The following KCNIP4 variants were observed in gnomAD, a reference collection of about 807,000 sequenced individuals.
The protein encoded by KCNIP4 is potassium voltage-gated channel interacting protein 4.
KCNIP4 carries 12 observed loss-of-function variants against 34.0 expected under a neutral mutation model. That is an observed-to-expected ratio of 0.35 (90% CI 0.23 to 0.57). The LOEUF (loss-of-function observed/expected upper bound fraction) is 0.57. KCNIP4 is among the 20% of genes least tolerant of loss of function. The probability of loss-of-function intolerance (pLI) is 0.83; values close to 1 mark genes in which losing one functional copy is unlikely to be tolerated. For missense variants in KCNIP4, 238 were observed against 311.7 expected, an observed-to-expected ratio of 0.76 and a Z score of 1.78; for synonymous variants, 124 against 102.2, an observed-to-expected ratio of 1.21 and a Z score of -1.29.
intron 1 of KCNIP4, among the ~76,000 whole-genome samples, chr4:21,227,430 C>T (rs1263427268): frequency 1.3e-5 from 2 of 152,144 alleles, no homozygotes; most frequent in Non-Finnish European, 2.9e-5. Context: ...ACTTTGAAGA[C>T]TTCTAGTTTT....
intron 1 of KCNIP4, among the ~76,000 whole-genome samples, chr4:21,774,618 G>A (rs1256717117): frequency 6.6e-6 from 1 of 152,064 alleles, no homozygotes; most frequent in East Asian, 1.9e-4. Context: ...CAAAATTCTT[G>A]GAGGCTTTGT....
At chr4:20,825,231 T>A (rs1165914899) in intron 3 of KCNIP4, among the ~76,000 whole-genome samples, 3 of 24,492 alleles carry the variant, frequency 1.2e-4, no homozygotes, top group South Asian at 1.1e-3. Flanking sequence ...TTACGTTTTT[T>A]TTTTTTTTTT....
intron 1 of KCNIP4, among the ~76,000 whole-genome samples, chr4:20,886,142 T>C (rs1198378326): frequency 3.3e-5 from 5 of 152,228 alleles, no homozygotes; most frequent in Admixed American, 2.0e-4. Flanking sequence ...GGATATGCTA[T>C]ACCACTGTAA....
At chr4:21,501,248 T>TCTCTCA (rs764571152) in intron 1 of KCNIP4, among the ~76,000 whole-genome samples, 4 of 104,190 alleles carry the variant, frequency 3.8e-5, no homozygotes, top group Non-Finnish European at 8.6e-5. Context: ...TCTCTCTCTC[T>TCTCTCA]CACACACACA....
At chr4:21,866,585 T>C (rs918075993) in intron 1 of KCNIP4, among the ~76,000 whole-genome samples, 2 of 152,052 alleles carry the variant, frequency 1.3e-5, no homozygotes, top group African/African-American at 4.8e-5. Flanking sequence ...TACAAGACAC[T>C]AGAAGAGAAA....
chr4:21,731,972 A>G (rs1476535379), intron 1 of KCNIP4, among the ~76,000 whole-genome samples: 1 of 151,824 alleles, frequency 6.6e-6, no homozygotes, highest in Non-Finnish European at 1.5e-5. Flanking sequence ...TATTTATTAT[A>G]TATGCTCCAG....
Position 21,021,397 on chromosome 4 carries a change from C to A in KCNIP4, c.62-138688G>T, listed in dbSNP as rs186973800. Among the ~76,000 whole-genome samples, 59 of 152,180 alleles carry A rather than the reference C, an allele frequency of 3.9e-4. No individual in the cohort carries two copies. The East Asian group carries it at 5.6e-3, about 14-fold the overall frequency. On this transcript the variant is annotated intron_variant, in intron 1 of 8. Coordinates refer to ENST00000382152, the MANE Select transcript of KCNIP4 (RefSeq NM_025221.6). Reference sequence around the variant, plus strand: ...TTACCCTAAATTTAACTTAAAATTTCTTTGTTCAATAATAAATTAGCTTAC... The same window carrying A: ...TTACCCTAAATTTAACTTAAAATTTATTTGTTCAATAATAAATTAGCTTAC...
intron 1 of KCNIP4, among the ~76,000 whole-genome samples, chr4:21,218,017 A>G (rs934887430): frequency 1.4e-5 from 2 of 144,880 alleles, no homozygotes; most frequent in Admixed American, 1.4e-4. Flanking sequence ...TTATTTATTT[A>G]TTATTATTAT....
At position 21,087,228 on chromosome 4, in the gene KCNIP4, G is replaced by A. The variant is rs187695819; in HGVS notation, c.62-204519C>T. 7.2e-3 allele frequency among the ~76,000 whole-genome samples: 1,082 copies of A among 150,138 alleles called. 24 individuals are homozygous for A. Among genetic ancestry groups the A allele is most frequent in the African/African-American group, 0.025 (1,026 of 40,714 alleles). On this transcript the variant is annotated intron_variant, in intron 1 of 8. Transcript: ENST00000382152. ...GTCTTGCTCTGCCACCCAGGCTGGA[G>A]TTCAGTGGCATGATCTCAGCTCACT...
chr4:20,825,225 G>GTTTTTTTTTTTTTTTTTTT (rs71181592), intron 3 of KCNIP4, among the ~76,000 whole-genome samples: 1 of 113,636 alleles, frequency 8.8e-6, no homozygotes, highest in African/African-American at 3.5e-5. Flanking sequence ...TCAATTTTAC[G>GTTTTTTTTTTTTTTTTTTT]TTTTTTTTTT....
chr4:20,869,673 G>A (rs1189317870), intron 2 of KCNIP4, among the ~76,000 whole-genome samples: 1 of 151,992 alleles, frequency 6.6e-6, no homozygotes, highest in African/African-American at 2.4e-5. Context: ...GATAATATTT[G>A]TATCAATTTC....
chr4:21,384,405 T>A (rs1309424756), intron 1 of KCNIP4, among the ~76,000 whole-genome samples: 2 of 152,118 alleles, frequency 1.3e-5, no homozygotes, highest in Non-Finnish European at 2.9e-5. Flanking sequence ...GTTGAATGAG[T>A]AATATTAAAC....
At chr4:21,740,019 A>G (rs1716288876) in intron 1 of KCNIP4, among the ~76,000 whole-genome samples, 1 of 152,136 alleles carries the variant, frequency 6.6e-6, no homozygotes, top group African/African-American at 2.4e-5. Context: ...AAAGGGTTTC[A>G]AAATGTGGAT....
intron 1 of KCNIP4, among the ~76,000 whole-genome samples, chr4:21,888,815 C>A (rs1268608007): frequency 6.6e-6 from 1 of 152,106 alleles, no homozygotes; most frequent in Non-Finnish European, 1.5e-5. Context: ...TCTGAAACTT[C>A]TATCTCACTG....
intron 1 of KCNIP4, among the ~76,000 whole-genome samples, chr4:21,717,128 G>C (rs919421771): frequency 2.6e-5 from 4 of 152,122 alleles, no homozygotes; most frequent in Non-Finnish European, 5.9e-5. Flanking sequence ...GGTTTGTTTT[G>C]GAGGGGTATC....
chr4:21,584,634 A>G (rs931345705), intron 1 of KCNIP4, among the ~76,000 whole-genome samples: 2 of 152,104 alleles, frequency 1.3e-5, no homozygotes, highest in African/African-American at 4.8e-5. Context: ...CCCCCTTTAG[A>G]GAGAGCAAGG....
At chr4:20,854,010 G>A (rs539515580) in intron 2 of KCNIP4, among the ~76,000 whole-genome samples, 144 of 152,156 alleles carry the variant, frequency 9.5e-4, no homozygotes, top group African/African-American at 1.5e-3. Flanking sequence ...GTGTGGATGC[G>A]GTGAACAGGG....
At chr4:21,757,804 C>T (rs948197468) in intron 1 of KCNIP4, among the ~76,000 whole-genome samples, 3 of 152,162 alleles carry the variant, frequency 2.0e-5, no homozygotes, top group Admixed American at 6.5e-5. Flanking sequence ...ACATAAATGA[C>T]GTCTTGGGAA....
At chr4:20,997,990 T>A (rs1011603644) in intron 1 of KCNIP4, among the ~76,000 whole-genome samples, 11 of 152,284 alleles carry the variant, frequency 7.2e-5, no homozygotes, top group African/African-American at 2.6e-4. Flanking sequence ...GTAGAGCTGT[T>A]AAGCTGATAA....
Sources: allele counts gnomAD v4.1 joint callset (sites outside exome capture counted in the v4.1 genomes callset), GRCh38; gene constraint gnomAD v4.1.1; transcripts MANE v1.5; gene names NCBI Gene and HGNC (gene_info 2026-07-23, HGNC 2026-07-21).